FAM135B: variants seen among roughly 807,000 people sequenced by gnomAD.
The protein encoded by FAM135B is protein FAM135B.
FAM135B carries 43 observed loss-of-function variants against 127.7 expected under a neutral mutation model. That is an observed-to-expected ratio of 0.34 (90% confidence interval 0.26 to 0.43). FAM135B has a LOEUF of 0.43. Ranked by LOEUF, FAM135B falls within the 20% of genes least tolerant of loss-of-function variation. FAM135B has a pLI of 1.00. For missense variants in FAM135B, 1,558 were observed against 1,725.6 expected (o/e 0.90, Z 1.72); for synonymous variants, 670 against 665.1 (o/e 1.01, Z -0.11).
chr8:138,264,687 A>C (rs1260347062), intron 4 of FAM135B, among the ~76,000 whole-genome samples: 3 of 152,184 alleles, frequency 2.0e-5, no homozygotes, highest in Non-Finnish European at 4.4e-5. Context: ...TTTTGAAAGA[A>C]TAGATAGGTT....
At chr8:138,404,269 TTTAA>T (rs1267158409) in intron 1 of FAM135B, among the ~76,000 whole-genome samples, 2 of 152,208 alleles carry the variant, frequency 1.3e-5, no homozygotes, top group Non-Finnish European at 2.9e-5. Context: ...TGCCATTATG[TTTAA>T]TTAAAAAAAT....
At chr8:138,373,623 A>G (rs1831282395) in intron 1 of FAM135B, among the ~76,000 whole-genome samples, 1 of 152,068 alleles carries the variant, frequency 6.6e-6, no homozygotes, top group Admixed American at 6.6e-5. Flanking sequence ...GGCGGAACAG[A>G]GCCATATTTC....
intron 12 of FAM135B, among the ~76,000 whole-genome samples, chr8:138,157,563 A>G (rs1359293020): frequency 1.4e-5 from 2 of 146,578 alleles, no homozygotes; most frequent in African/African-American, 2.5e-5. Flanking sequence ...GTCTCAGCCC[A>G]AAATCTCCTG....
intron 2 of FAM135B, among the ~76,000 whole-genome samples, chr8:138,327,163 T>G (rs1391140005): frequency 6.6e-6 from 1 of 152,194 alleles, no homozygotes; most frequent in Non-Finnish European, 1.5e-5. Flanking sequence ...TTTCAGGTAC[T>G]CTGTAAATAT....
At chr8:138,274,066 C>T (rs1389144968) in intron 3 of FAM135B, among the ~76,000 whole-genome samples, 2 of 152,148 alleles carry the variant, frequency 1.3e-5, no homozygotes, top group South Asian at 2.1e-4. Flanking sequence ...GATTATATTT[C>T]CCAAATATGT....
chr8:138,139,666 T>C (rs761584633), intron 17 of FAM135B, among the ~76,000 whole-genome samples: 32 of 152,156 alleles, frequency 2.1e-4, no homozygotes, highest in Non-Finnish European at 4.1e-4. Context: ...CTTGGGAGGC[T>C]GAGGCAGAAG....
chr8:138,421,047 C>G (rs1834473107), intron 1 of FAM135B, among the ~76,000 whole-genome samples: 1 of 152,218 alleles, frequency 6.6e-6, no homozygotes, highest in African/African-American at 2.4e-5. Context: ...TGCAGTGGCT[C>G]ACGCCTGTAA....
chr8:138,138,372 C>G (rs1314292841), intron 18 of FAM135B, among the ~76,000 whole-genome samples: 1 of 152,224 alleles, frequency 6.6e-6, no homozygotes, highest in Non-Finnish European at 1.5e-5. Context: ...AGAACAGACC[C>G]TGGGCCAGGC....
At chr8:138,456,822 T>C (rs994349273) in intron 1 of FAM135B, among the ~76,000 whole-genome samples, 1 of 152,090 alleles carries the variant, frequency 6.6e-6, no homozygotes, top group Non-Finnish European at 1.5e-5. Flanking sequence ...GTATGGTCTA[T>C]ATACATCAGT....
intron 1 of FAM135B, among the ~76,000 whole-genome samples, chr8:138,495,685 A>G (rs1815365563): frequency 6.6e-6 from 1 of 152,130 alleles, no homozygotes; most frequent in Admixed American, 6.5e-5. Context: ...CCCTGGTCCC[A>G]GCTGATCTGA....
intron 1 of FAM135B, among the ~76,000 whole-genome samples, chr8:138,399,463 G>C (rs1197294230): frequency 6.6e-6 from 1 of 152,076 alleles, no homozygotes; most frequent in East Asian, 1.9e-4. Flanking sequence ...TTAAACCCCA[G>C]GGCAGAAGCG....
chr8:138,186,453 G>GAGCTGTGGTGCTCTACCTCTAAAC (rs1815588263), intron 9 of FAM135B, among the ~76,000 whole-genome samples: 1 of 152,142 alleles, frequency 6.6e-6, no homozygotes, highest in African/African-American at 2.4e-5. Flanking sequence ...CCACTGGCAG[G>GAGCTGTGGTGCTCTACCTCTAAAC]AGTGGGGGAG....
intron 7 of FAM135B, among the ~76,000 whole-genome samples, chr8:138,200,298 G>T (rs937761102): frequency 6.6e-6 from 1 of 152,164 alleles, no homozygotes; most frequent in Non-Finnish European, 1.5e-5. Context: ...GTGCTCACCA[G>T]GCATTCAGGG....
At chr8:138,432,686 T>C (rs1440312763) in intron 1 of FAM135B, among the ~76,000 whole-genome samples, 1 of 151,994 alleles carries the variant, frequency 6.6e-6, no homozygotes, top group Non-Finnish European at 1.5e-5. Context: ...CTGGTAGATA[T>C]TTTGCTCTTT....
At chr8:138,278,355 A>G (rs1823992830) in intron 3 of FAM135B, among the ~76,000 whole-genome samples, 1 of 151,368 alleles carries the variant, frequency 6.6e-6, no homozygotes, top group Admixed American at 6.6e-5. Context: ...TGTCATCTGC[A>G]TGGGTGTCAG....
chr8:138,245,113 C>A (rs2130421558), intron 6 of FAM135B, among the ~76,000 whole-genome samples: 1 of 152,216 alleles, frequency 6.6e-6, no homozygotes, highest in Admixed American at 6.5e-5. Context: ...TATTTTTACC[C>A]CCAACCCTGA....
At chr8:138,380,565 C>A (rs1831787679) in intron 1 of FAM135B, among the ~76,000 whole-genome samples, 1 of 152,026 alleles carries the variant, frequency 6.6e-6, no homozygotes. Context: ...CCTTGTCCAC[C>A]CGCTCCTTAC....
At chr8:138,154,165 C>T (rs1818462209) in intron 12 of FAM135B, among the ~76,000 whole-genome samples, 1 of 152,162 alleles carries the variant, frequency 6.6e-6, no homozygotes, top group Admixed American at 6.5e-5. Context: ...TGGTGATACC[C>T]AGGCAAACAG....
chr8:138,331,728 G>T (rs1157523653), intron 2 of FAM135B, among the ~76,000 whole-genome samples: 1 of 152,128 alleles, frequency 6.6e-6, no homozygotes, highest in Non-Finnish European at 1.5e-5. Context: ...TTGCTTGTTT[G>T]GTTAGTTTAG....
Sources: allele counts gnomAD v4.1 joint callset (sites outside exome capture counted in the v4.1 genomes callset), GRCh38; gene constraint gnomAD v4.1.1; transcripts MANE v1.5; gene names NCBI Gene and HGNC (gene_info 2026-07-23, HGNC 2026-07-21).